The following MEI4 variants were observed in gnomAD, a reference collection of about 807,000 sequenced individuals.
MEI4 encodes meiosis-specific protein MEI4.
In MEI4, 27 loss-of-function variants were observed where a neutral mutation model predicts 31.4. The ratio of observed to expected loss-of-function variants is 0.86; its 90% CI spans 0.63 to 1.19. MEI4 has a LOEUF of 1.19. Among genes scored for constraint, MEI4 ranks in the 50% most tolerant of loss-of-function variants. The probability of loss-of-function intolerance (pLI) is 0.00; values close to 1 mark genes in which losing one functional copy is unlikely to be tolerated. For missense variants in MEI4, 329 were observed against 398.9 expected (o/e 0.82, Z 1.49); for synonymous variants, 122 against 145.4 (o/e 0.84, Z 1.16).
chr6:77,921,906 A>G (rs757394673), intron 4 of MEI4, among the ~76,000 whole-genome samples: 1 of 151,784 alleles, frequency 6.6e-6, no homozygotes, highest in Non-Finnish European at 1.5e-5. Context: ...ATTGCAGATC[A>G]CTGTAACAGA....
intron 2 of MEI4, among the ~76,000 whole-genome samples, chr6:77,756,586 G>A (rs1767923211): frequency 6.7e-6 from 1 of 149,948 alleles, no homozygotes; most frequent in Non-Finnish European, 1.5e-5. Context: ...ATATTCTTTT[G>A]GTTTCTCTCT....
intron 4 of MEI4, among the ~76,000 whole-genome samples, chr6:77,851,194 G>T (rs1770610079): frequency 6.6e-6 from 1 of 152,194 alleles, no homozygotes; most frequent in African/African-American, 2.4e-5. Context: ...TGGTGGGACT[G>T]TAAACTAGTT....
intron 1 of MEI4, among the ~76,000 whole-genome samples, chr6:77,687,824 G>A (rs1769086555): frequency 6.6e-6 from 1 of 152,044 alleles, no homozygotes; most frequent in Admixed American, 6.6e-5. Flanking sequence ...ATCCTGATGT[G>A]TTCACCAACC....
chr6:77,873,474 G>A (rs529900364), intron 4 of MEI4, among the ~76,000 whole-genome samples: 93 of 152,196 alleles, frequency 6.1e-4, no homozygotes, highest in Non-Finnish European at 1.0e-3. Flanking sequence ...TTGTAAATTC[G>A]TTTGAGTTCA....
At chr6:77,910,957 A>T (rs1444226754) in intron 4 of MEI4, among the ~76,000 whole-genome samples, 1 of 139,772 alleles carries the variant, frequency 7.2e-6, no homozygotes, top group Non-Finnish European at 1.5e-5. Flanking sequence ...TCTTAATCAT[A>T]GCCATTCTAA....
At chr6:77,850,575 C>A (rs1261872510) in intron 4 of MEI4, among the ~76,000 whole-genome samples, 1 of 152,192 alleles carries the variant, frequency 6.6e-6, no homozygotes, top group Non-Finnish European at 1.5e-5. Flanking sequence ...GGAAGACTGG[C>A]TAGCCATATG....
chr6:77,910,070 T>C (rs925303885), intron 4 of MEI4, among the ~76,000 whole-genome samples: 13 of 152,158 alleles, frequency 8.5e-5, no homozygotes, highest in African/African-American at 3.1e-4. Context: ...AAATAATAAG[T>C]GCTGTCTATG....
chr6:77,659,610 G>T (rs1361840540), intron 1 of MEI4, among the ~76,000 whole-genome samples: 1 of 152,144 alleles, frequency 6.6e-6, no homozygotes, highest in Non-Finnish European at 1.5e-5. Context: ...AACGAGAAGA[G>T]GGCCTGGGAG....
At chr6:77,660,285 A>C (rs751142737) in intron 1 of MEI4, among the ~76,000 whole-genome samples, 6 of 152,072 alleles carry the variant, frequency 3.9e-5, no homozygotes, top group Non-Finnish European at 7.4e-5. Context: ...TAAGAATGGG[A>C]ATGAGAATAA....
intron 2 of MEI4, among the ~76,000 whole-genome samples, chr6:77,730,520 T>TC (rs1303780940): frequency 1.3e-5 from 2 of 152,116 alleles, no homozygotes; most frequent in African/African-American, 4.8e-5. Flanking sequence ...TCCCAGTTTT[T>TC]CCCTACTAAC....
intron 4 of MEI4, among the ~76,000 whole-genome samples, chr6:77,892,728 G>A (rs766863895): frequency 3.0e-4 from 45 of 152,108 alleles, no homozygotes; most frequent in Non-Finnish European, 5.4e-4. Context: ...CTGGCCTTAT[G>A]TCACTGCAGC....
chr6:77,790,941 T>A (rs1768907467), intron 3 of MEI4, among the ~76,000 whole-genome samples: 1 of 152,180 alleles, frequency 6.6e-6, no homozygotes, highest in Admixed American at 6.5e-5. Context: ...ACGCTCATCA[T>A]CACTGGCCAT....
At chr6:77,745,648 C>G (rs1032757617) in intron 2 of MEI4, among the ~76,000 whole-genome samples, 12 of 152,160 alleles carry the variant, frequency 7.9e-5, no homozygotes, top group African/African-American at 2.9e-4. Context: ...ACTCTCCACC[C>G]CAAATCAACA....
intron 4 of MEI4, among the ~76,000 whole-genome samples, chr6:77,905,120 T>C (rs1766264866): frequency 6.6e-6 from 1 of 152,126 alleles, no homozygotes; most frequent in Non-Finnish European, 1.5e-5. Context: ...GGGAAGTCTT[T>C]ATCTCTTATT....
Position 77,751,180 on chromosome 6 carries a change from C to G in MEI4, c.233-9950C>G, listed in dbSNP as rs188113810. ...AGAGAAAGCAGGAAAGATCTAAAAT[C>G]GACACCCTAACATCACAATTAAAAG... On this transcript the variant is annotated intron_variant, in intron 2 of 4. Transcript: ENST00000684080. Among the ~76,000 whole-genome samples, 589 of 151,858 alleles carry G rather than the reference C, an allele frequency of 3.9e-3. 3 individuals carry two copies. The highest frequency in any genetic ancestry group is 6.3e-3 in the Non-Finnish European group (430 of 67,926).
In MEI4 at chr6:77,921,741, T is replaced by C. The variant is rs989985504; in HGVS notation, c.901-1348T>C. ...GGCCTGATTTCAATATTGTTTTGTC[T>C]CAGAGAATAAGGAGGCCTAAGGAGA... On this transcript the variant is annotated intron_variant, in intron 4 of 4. Transcript: ENST00000684080. Among the ~76,000 whole-genome samples, 4 of 151,882 alleles carry C rather than the reference T, an allele frequency of 2.6e-5. No homozygotes were observed. The South Asian group carries it at 8.3e-4, about 31-fold the overall frequency.
intron 2 of MEI4, among the ~76,000 whole-genome samples, chr6:77,696,081 A>G (rs906550407): frequency 3.9e-4 from 60 of 152,176 alleles, no homozygotes; most frequent in Admixed American, 9.2e-4. Flanking sequence ...TTCTTGGTGT[A>G]TAAGAATGCT....
At chr6:77,755,487 C>T (rs1055912952) in intron 2 of MEI4, among the ~76,000 whole-genome samples, 10 of 151,780 alleles carry the variant, frequency 6.6e-5, no homozygotes, top group Non-Finnish European at 1.0e-4. Context: ...GGCACGATCT[C>T]GGTTTACTGA....
intron 4 of MEI4, among the ~76,000 whole-genome samples, chr6:77,843,559 C>G (rs1176050414): frequency 1.3e-5 from 2 of 150,154 alleles, no homozygotes; most frequent in Non-Finnish European, 3.0e-5. Flanking sequence ...TATTACAGAA[C>G]AAGTTGTTCA....
Sources: allele counts gnomAD v4.1 joint callset (sites outside exome capture counted in the v4.1 genomes callset), GRCh38; gene constraint gnomAD v4.1.1; transcripts MANE v1.5; gene names NCBI Gene and HGNC (gene_info 2026-07-23, HGNC 2026-07-21).